GALNT10: variants seen among roughly 807,000 people sequenced by gnomAD.
GALNT10 encodes polypeptide N-acetylgalactosaminyltransferase 10, also known as GalNAc transferase 10.
Under a neutral mutation model 75.0 loss-of-function variants are expected in GALNT10, and 41 were observed. The observed-to-expected ratio is 0.55, with a 90% CI of 0.43 to 0.71. GALNT10 has a LOEUF of 0.71. Ranked by LOEUF, GALNT10 falls within the 30% of genes least tolerant of loss-of-function variation. The pLI is 0.00. For synonymous variants in GALNT10, 302 were observed against 313.0 expected, an observed-to-expected ratio of 0.96 and a Z score of 0.37; for missense variants, 727 against 818.5, an observed-to-expected ratio of 0.89 and a Z score of 1.36.
chr5:154,254,531 C>CTAATAA (rs1753577304), intron 1 of GALNT10, among the ~76,000 whole-genome samples: 11 of 147,634 alleles, frequency 7.5e-5, no homozygotes, highest in Admixed American at 5.4e-4. Context: ...TTTTCTGTCT[C>CTAATAA]CAGGTAACTT....
In GALNT10 at chr5:154,329,618, A is replaced by C; in HGVS notation, c.448A>C (p.Ile150Leu). ...GGAGACACTTCCCAACACAAGCATC[A>C]TCATCCCCTTCCACAACGAGGGCTG... ...YLETLPNTSIIIPFHNEGWSS... is the reference protein window; with the variant it reads ...YLETLPNTSILIPFHNEGWSS... Residue 150 changes from isoleucine to leucine, a missense_variant, in exon 4 of 12, where the codon ATC (isoleucine) becomes CTC (leucine). Physicochemically the swap from Ile to Leu is conservative, Grantham distance 5. Coordinates refer to ENST00000297107, the MANE Select transcript of GALNT10 (RefSeq NM_198321.4). The C allele has an allele frequency of 6.2e-7, 1 of 1,613,906 alleles. No individual in the cohort carries two copies. The highest frequency in any genetic ancestry group is 1.3e-5 in the African/African-American group (1 of 75,024).
At chr5:154,399,664 C>CAA (rs1315347342) in intron 7 of GALNT10, among the ~76,000 whole-genome samples, 1 of 152,134 alleles carries the variant, frequency 6.6e-6, no homozygotes, top group Non-Finnish European at 1.5e-5. Flanking sequence ...TAGTCAAGTC[C>CAA]CTATGCTCAA....
chr5:154,268,751 T>C (rs1753814170), intron 1 of GALNT10, among the ~76,000 whole-genome samples: 1 of 152,222 alleles, frequency 6.6e-6, no homozygotes, highest in African/African-American at 2.4e-5. Flanking sequence ...GTTTAAATTA[T>C]ACTCTGGTAT....
At chr5:154,282,313 G>T (rs1754050720) in intron 1 of GALNT10, among the ~76,000 whole-genome samples, 1 of 152,176 alleles carries the variant, frequency 6.6e-6, no homozygotes, top group Non-Finnish European at 1.5e-5. Flanking sequence ...TGGGGATTCA[G>T]TTTCCAACAC....
At chr5:154,394,881 G>A (rs1755983898) in intron 7 of GALNT10, among the ~76,000 whole-genome samples, 1 of 152,212 alleles carries the variant, frequency 6.6e-6, no homozygotes, top group Non-Finnish European at 1.5e-5. Flanking sequence ...AATATGCTCT[G>A]ATACATGCAG....
At chr5:154,294,665 G>A in intron 1 of GALNT10, 151 bp from the exon 2 acceptor site, 1 of 515,608 alleles carries the variant, frequency 1.9e-6, no homozygotes. Context: ...ACATGGCAAG[G>A]CACCAACAAA....
chr5:154,326,011 C>T (rs1475917456), intron 3 of GALNT10, among the ~76,000 whole-genome samples: 1 of 151,880 alleles, frequency 6.6e-6, no homozygotes, highest in Non-Finnish European at 1.5e-5. Context: ...AATAAATGTG[C>T]TCAGCAAGAT....
rs1397297397 is a variant in GALNT10, at chr5:154,376,646, C to T, written c.754+184C>T. On this transcript the variant is annotated intron_variant, in intron 5 of 11. Transcript: ENST00000297107. The surrounding 1 kb of genome is among the most constrained non-coding windows in gnomAD (Gnocchi z 4.1). ...TGCTCAAAATTAAAATCCAGCCAGTCCTGTCCCTTCATTTCACAGAGAAGT... is the reference window on the plus strand; with the variant it reads ...TGCTCAAAATTAAAATCCAGCCAGTTCTGTCCCTTCATTTCACAGAGAAGT... 6.6e-6 allele frequency among the ~76,000 whole-genome samples: 1 copy of T among 152,178 alleles called. No homozygotes were observed. The highest frequency in any genetic ancestry group is 1.5e-5 in the Non-Finnish European group (1 of 68,030).
chr5:154,196,598 T>C (rs1405569142), intron 1 of GALNT10, among the ~76,000 whole-genome samples: 3 of 152,142 alleles, frequency 2.0e-5, no homozygotes, highest in African/African-American at 7.2e-5. Context: ...CAAAAAATGG[T>C]AATAGCTCTT....
Position 154,406,798 on chromosome 5 carries a change from G to C in GALNT10, c.1164+2587G>C, listed in dbSNP as rs114748551. On this transcript the variant is annotated intron_variant, in intron 8 of 11. Coordinates refer to ENST00000297107, the MANE Select transcript of GALNT10 (RefSeq NM_198321.4). ...AGCGACAGAGCAAGACTCCATCTTG[G>C]GGGGAAAAAAAGTGCTCAATGTTTT... Among the ~76,000 whole-genome samples the C allele has an allele frequency of 5.8e-3, 856 of 147,796 alleles. 9 individuals carry two copies. Among genetic ancestry groups the C allele is most frequent in the African/African-American group, 0.019 (789 of 41,272 alleles).
In GALNT10 at chr5:154,416,913, C is replaced by G; in HGVS notation, c.1753C>G (p.Gln585Glu). Residue 585 changes from glutamine (Q) to glutamate (E), a missense_variant, in exon 12 of 12, where the codon CAG (glutamine) becomes GAG (glutamate). Gln to Glu is a conservative substitution (Grantham distance 29). Coordinates refer to ENST00000297107, the MANE Select transcript of GALNT10 (RefSeq NM_198321.4). The surrounding 1 kb of genome is among the most constrained non-coding windows in gnomAD (Gnocchi z 4.5). Reference sequence around the variant, plus strand: ...CACCTGCAACCCATCCTCTCTCACCCAGCAGTGGCTGTTTGAACACACCAA... The same window carrying G: ...CACCTGCAACCCATCCTCTCTCACCGAGCAGTGGCTGTTTGAACACACCAA... ...MNTCNPSSLT[Q>E]QWLFEHTNST... is the part of the protein sequence containing the mutation. 44 of 1,613,992 alleles carry G rather than the reference C, an allele frequency of 2.7e-5. No individual in the cohort carries two copies. Among genetic ancestry groups the G allele is most frequent in the Non-Finnish European group, 3.6e-5 (43 of 1,179,824 alleles).
At chr5:154,414,635 G>C (rs1756468467) in intron 10 of GALNT10, among the ~76,000 whole-genome samples, 1 of 151,614 alleles carries the variant, frequency 6.6e-6, no homozygotes, top group Admixed American at 6.6e-5. Flanking sequence ...ACACTTTTGC[G>C]GGGTAATGGT....
chr5:154,252,234 C>T (rs1322809064), intron 1 of GALNT10, among the ~76,000 whole-genome samples: 7 of 152,090 alleles, frequency 4.6e-5, no homozygotes, highest in Admixed American at 3.3e-4. Context: ...TCCCTCTTAA[C>T]TTCCACTTAG....
intron 3 of GALNT10, among the ~76,000 whole-genome samples, chr5:154,309,989 C>T (rs1754489210): frequency 6.6e-6 from 1 of 152,168 alleles, no homozygotes; most frequent in South Asian, 2.1e-4. Context: ...CAAGACCGGA[C>T]GTAGTCTGTG....
intron 7 of GALNT10, chr5:154,386,667 T>C: frequency 1.7e-6 from 1 of 591,802 alleles, no homozygotes; most frequent in Non-Finnish European, 3.0e-6. Flanking sequence ...TCACCACAGC[T>C]CTGACTGGCA....
chr5:154,273,024 G>A (rs1247513515), intron 1 of GALNT10, among the ~76,000 whole-genome samples: 2 of 152,152 alleles, frequency 1.3e-5, no homozygotes, highest in African/African-American at 4.8e-5. Context: ...GGAATGCTGA[G>A]GGCGAGGGGT....
chr5:154,260,191 A>G (rs1753681994), intron 1 of GALNT10, among the ~76,000 whole-genome samples: 1 of 152,216 alleles, frequency 6.6e-6, no homozygotes, highest in Non-Finnish European at 1.5e-5. Flanking sequence ...AGCAGAAAAT[A>G]AAAGAGAGAG....
At chr5:154,405,937 A>G (rs7703034) in intron 8 of GALNT10, 42,493 of 150,522 alleles carry the variant, frequency 0.28, 6,514 homozygotes, top group East Asian at 0.55. Flanking sequence ...TTGTTATAGA[A>G]CCATTATTAT....
At chr5:154,203,265 A>G (rs1775054896) in intron 1 of GALNT10, among the ~76,000 whole-genome samples, 1 of 151,524 alleles carries the variant, frequency 6.6e-6, no homozygotes, top group Non-Finnish European at 1.5e-5. Context: ...TCCCCCCGCA[A>G]CCCCCATAGT....
Sources: gnomAD v4.1 joint callset for allele counts (sites outside exome capture counted in the v4.1 genomes callset) on GRCh38, gnomAD v4.1.1 for gene constraint, Gnocchi (gnomAD v3.1) non-coding constraint, MANE v1.5 for transcripts, NCBI Gene and HGNC (gene_info 2026-07-23, HGNC 2026-07-21) for gene names.